The following SORCS3 variants were observed in gnomAD, a reference collection of about 807,000 sequenced individuals.
The protein encoded by SORCS3 is VPS10 domain-containing receptor SorCS3.
SORCS3 carries 57 observed loss-of-function variants against 146.3 expected under a neutral mutation model. The ratio of observed to expected loss-of-function variants is 0.39; its 90% confidence interval spans 0.31 to 0.49. SORCS3 has a LOEUF of 0.49. SORCS3 is among the 20% of genes least tolerant of loss of function. The pLI is 0.92. For missense variants in SORCS3, 1,341 were observed against 1,575.5 expected, an observed-to-expected ratio of 0.85 and a Z score of 2.52; for synonymous variants, 653 against 618.5, an observed-to-expected ratio of 1.06 and a Z score of -0.83.
chr10:104,805,236 G>T (rs2017667981), intron 1 of SORCS3, among the ~76,000 whole-genome samples: 1 of 152,152 alleles, frequency 6.6e-6, no homozygotes, highest in Non-Finnish European at 1.5e-5. Context: ...GATGCAAATT[G>T]TCTTGAGAAC....
At chr10:104,940,222 ATATATATATATATATATTTTTT>A (rs1174791963) in intron 3 of SORCS3, among the ~76,000 whole-genome samples, 3 of 17,022 alleles carry the variant, frequency 1.8e-4, no homozygotes, top group African/African-American at 9.0e-4. Flanking sequence ...ATATATATAT[ATATATATATATATATATTTTTT>A]TTTTTTTTTT....
intron 5 of SORCS3, among the ~76,000 whole-genome samples, chr10:105,060,212 G>A (rs2055475665): frequency 6.6e-6 from 1 of 152,118 alleles, no homozygotes. Context: ...GGATCCTCTG[G>A]CATGGTGGGT....
chr10:105,170,542 G>C (rs2056351060), intron 13 of SORCS3, among the ~76,000 whole-genome samples: 1 of 152,094 alleles, frequency 6.6e-6, no homozygotes, highest in Non-Finnish European at 1.5e-5. Flanking sequence ...CTAAGCTTTT[G>C]AAATGGCATT....
chr10:105,147,958 A>G (rs2056143671), intron 9 of SORCS3, among the ~76,000 whole-genome samples, 162 bp downstream of exon 9: 1 of 152,100 alleles, frequency 6.6e-6, no homozygotes, highest in Non-Finnish European at 1.5e-5. Context: ...AATTCTAGTA[A>G]AATAGAGATA....
At chr10:104,682,500 C>A (rs1564657890) in intron 1 of SORCS3, among the ~76,000 whole-genome samples, 1 of 152,228 alleles carries the variant, frequency 6.6e-6, no homozygotes, top group South Asian at 2.1e-4. Flanking sequence ...AAGTCCTCAG[C>A]AGGTTAGCTT....
chr10:105,025,837 A>ACACAC (rs2055224875), intron 4 of SORCS3, among the ~76,000 whole-genome samples: 8 of 135,502 alleles, frequency 5.9e-5, no homozygotes, highest in Non-Finnish European at 9.4e-5. Flanking sequence ...TGTCTTCTCA[A>ACACAC]ACACACACAC....
chr10:104,687,581 G>A (rs2016060476), intron 1 of SORCS3, among the ~76,000 whole-genome samples: 1 of 152,128 alleles, frequency 6.6e-6, no homozygotes, highest in Non-Finnish European at 1.5e-5. Context: ...GGGGATAGGA[G>A]ACAGCCTGAA....
intron 4 of SORCS3, among the ~76,000 whole-genome samples, chr10:104,997,958 A>C (rs940805852): frequency 6.6e-6 from 1 of 152,176 alleles, no homozygotes; most frequent in Non-Finnish European, 1.5e-5. Flanking sequence ...GATGATCAGC[A>C]GGAAATGGCC....
intron 1 of SORCS3, among the ~76,000 whole-genome samples, chr10:104,835,603 C>G (rs1210837306): frequency 6.6e-6 from 1 of 152,176 alleles, no homozygotes; most frequent in Non-Finnish European, 1.5e-5. Context: ...TTACACATTT[C>G]CTTTCTGAGA....
chr10:105,246,745 T>C (rs2056868539), intron 21 of SORCS3, among the ~76,000 whole-genome samples: 1 of 152,256 alleles, frequency 6.6e-6, no homozygotes, highest in Admixed American at 6.5e-5. Context: ...TGAATGCACT[T>C]GTATACTCAC....
chr10:105,184,678 T>C (rs1314771290), intron 14 of SORCS3, among the ~76,000 whole-genome samples: 13 of 152,208 alleles, frequency 8.5e-5, no homozygotes, highest in Non-Finnish European at 1.5e-4. Flanking sequence ...ATATACAAAA[T>C]TGCACATATT....
chr10:104,768,018 G>A (rs1023958834), intron 1 of SORCS3, among the ~76,000 whole-genome samples: 3 of 152,076 alleles, frequency 2.0e-5, no homozygotes, highest in Non-Finnish European at 2.9e-5. Context: ...AGCAGAATTG[G>A]CACTTGAGTC....
chr10:105,080,863 A>G (rs1041390245), intron 5 of SORCS3, among the ~76,000 whole-genome samples: 1 of 152,216 alleles, frequency 6.6e-6, no homozygotes, highest in Non-Finnish European at 1.5e-5. Flanking sequence ...CCACACATCT[A>G]CAACTACCTG....
intron 3 of SORCS3, among the ~76,000 whole-genome samples, chr10:104,955,586 C>T (rs1370144323): frequency 6.6e-6 from 1 of 152,200 alleles, no homozygotes; most frequent in Non-Finnish European, 1.5e-5. Context: ...CTGGGTGTCT[C>T]CCTTTGGGAG....
At chr10:105,060,127 A>C (rs187715714) in intron 5 of SORCS3, among the ~76,000 whole-genome samples, 49 of 152,302 alleles carry the variant, frequency 3.2e-4, no homozygotes, top group African/African-American at 1.2e-3. Flanking sequence ...TAATGTGTTC[A>C]TGGAGGAGTT....
At chr10:104,814,240 T>C (rs2017771801) in intron 1 of SORCS3, among the ~76,000 whole-genome samples, 1 of 152,180 alleles carries the variant, frequency 6.6e-6, no homozygotes, top group Non-Finnish European at 1.5e-5. Flanking sequence ...TCTCTCTTCC[T>C]ACCTGCAGTG....
chr10:105,172,972 T>A (rs1305876713), intron 13 of SORCS3, among the ~76,000 whole-genome samples: 1 of 152,154 alleles, frequency 6.6e-6, no homozygotes, highest in Non-Finnish European at 1.5e-5. Flanking sequence ...TTTTTGTTTT[T>A]TTTGTATTAA....
At chr10:104,883,445 CTG>C (rs967860292) in intron 2 of SORCS3, among the ~76,000 whole-genome samples, 1 of 152,162 alleles carries the variant, frequency 6.6e-6, no homozygotes, top group African/African-American at 2.4e-5. Flanking sequence ...TATGTGAAGA[CTG>C]TGAGTGATTC....
chr10:105,030,662 G>A (rs1348955271), intron 4 of SORCS3, among the ~76,000 whole-genome samples: 7 of 150,706 alleles, frequency 4.6e-5, no homozygotes, highest in Non-Finnish European at 7.4e-5. Flanking sequence ...GTGGGATCTT[G>A]GCTCACTGCA....
Sources: allele counts gnomAD v4.1 joint callset (sites outside exome capture counted in the v4.1 genomes callset), GRCh38; gene constraint gnomAD v4.1.1; transcripts MANE v1.5; gene names NCBI Gene and HGNC (gene_info 2026-07-23, HGNC 2026-07-21).